Variants in TUSC3 observed in about 807,000 individuals in gnomAD.
The protein encoded by TUSC3 is tumor suppressor candidate 3, also known as dolichyl-diphosphooligosaccharide--protein glycosyltransferase subunit TUSC3.
A neutral mutation model predicts 44.8 loss-of-function variants in TUSC3; 45 were observed. The observed-to-expected ratio is 1.00, with a 90% CI of 0.79 to 1.29. The LOEUF is 1.29. Among genes scored for constraint, TUSC3 ranks in the 50% most tolerant of loss-of-function variants. The pLI is 0.00. For missense variants in TUSC3, 519 were observed against 437.9 expected, an observed-to-expected ratio of 1.19 and a Z score of -1.65; for synonymous variants, 212 against 152.9, an observed-to-expected ratio of 1.39 and a Z score of -2.85.
intron 1 of TUSC3, among the ~76,000 whole-genome samples, chr8:15,618,093 C>T (rs986076327): frequency 6.6e-6 from 1 of 152,158 alleles, no homozygotes. Context: ...GTCCACCTGT[C>T]TAGGACACTC....
chr8:15,611,937 C>G (rs759067471), intron 1 of TUSC3, among the ~76,000 whole-genome samples: 1 of 152,162 alleles, frequency 6.6e-6, no homozygotes, highest in Non-Finnish European at 1.5e-5. Context: ...TCTGGCTGCT[C>G]ATGTTTGGTT....
chr8:15,610,429 G>GT lies in TUSC3; in HGVS notation c.139-12648dup, dbSNP rs571936357. ...TCAATGTAGAATTTAATGTTGATGTGTTTCTGTGAATTCACTGCTTCCTTT... is the reference window on the plus strand; with the variant it reads ...TCAATGTAGAATTTAATGTTGATGTGTTTTCTGTGAATTCACTGCTTCCTTT... On this transcript the variant is annotated intron_variant, in intron 1 of 10. Transcript: ENST00000503731. 6.6e-5 allele frequency among the ~76,000 whole-genome samples: 10 copies of GT among 152,224 alleles called. No individual in the cohort carries two copies. The South Asian group carries it at 2.1e-3, about 32-fold the overall frequency.
At chr8:15,423,584 T>C (rs1481963126) in intron 1 of TUSC3, among the ~76,000 whole-genome samples, 1 of 152,218 alleles carries the variant, frequency 6.6e-6, no homozygotes, top group African/African-American at 2.4e-5. Flanking sequence ...ATTTAATTCT[T>C]ACTCGATTTT....
intron 2 of TUSC3, among the ~76,000 whole-genome samples, chr8:15,506,809 C>G (rs1032739489): frequency 2.0e-5 from 3 of 152,104 alleles, no homozygotes; most frequent in East Asian, 3.9e-4. Flanking sequence ...GTGGGTCAAA[C>G]CAAATCACAG....
At chr8:15,760,631 A>G (rs915916308) in intron 10 of TUSC3, among the ~76,000 whole-genome samples, 3 of 152,182 alleles carry the variant, frequency 2.0e-5, no homozygotes, top group African/African-American at 4.8e-5. Flanking sequence ...TGAAATTCAG[A>G]TATCAGTGCC....
chr8:15,830,047 T>A, the TUSC3 span, among the ~76,000 whole-genome samples: 1 of 152,188 alleles, frequency 6.6e-6, no homozygotes, highest in East Asian at 1.9e-4. Flanking sequence ...TTATGATTAG[T>A]GATGTGGAGC....
chr8:15,755,585 C>T (rs1028170183), intron 9 of TUSC3, among the ~76,000 whole-genome samples: 4 of 151,644 alleles, frequency 2.6e-5, no homozygotes, highest in African/African-American at 9.7e-5. Flanking sequence ...ATCTAATTAC[C>T]ATCTGAGCCA....
At position 15,765,206 on chromosome 8, in the gene TUSC3, G is replaced by A. The variant is rs1812293382; in HGVS notation, c.*1050G>A. On this transcript the variant is annotated 3_prime_UTR_variant, in exon 11 of 11. Transcript: ENST00000503731. The stretch of plus-strand genomic sequence containing the variant: ...TAGTCAGGAAATGTAAATTTTATCT[G>A]ACTCATAGAACTAATGGAAGCTGAA... 6.6e-6 allele frequency: 1 copy of A among 151,930 alleles called. No individual in the cohort carries two copies. The highest frequency in any genetic ancestry group is 2.1e-4 in the South Asian group (1 of 4,830). The allele number at this position is 151,930 out of a possible 1,614,324, so 9.4% of individuals were successfully genotyped here.
chr8:15,680,694 G>A (rs1221533705), intron 6 of TUSC3, among the ~76,000 whole-genome samples: 1 of 152,040 alleles, frequency 6.6e-6, no homozygotes, highest in Non-Finnish European at 1.5e-5. Flanking sequence ...TCCAGCTTTT[G>A]CCTCCTGTTG....
upstream of TUSC3, among the ~76,000 whole-genome samples, chr8:15,539,370 T>TTTTTTTA (rs869111495): frequency 1.5e-5 from 2 of 135,092 alleles, no homozygotes. Context: ...TTTTTTTTTT[T>TTTTTTTA]GAGACAGAGT....
chr8:15,798,230 C>G, the TUSC3 span, among the ~76,000 whole-genome samples: 1 of 151,804 alleles, frequency 6.6e-6, no homozygotes, highest in East Asian at 1.9e-4. Flanking sequence ...ATTGAATAGA[C>G]CCTTAAGGTC....
At chr8:15,542,574 A>C (rs1801728963) in intron 1 of TUSC3, among the ~76,000 whole-genome samples, 1 of 152,122 alleles carries the variant, frequency 6.6e-6, no homozygotes, top group Non-Finnish European at 1.5e-5. Flanking sequence ...CAAGGGGAAA[A>C]AAAAAATCTA....
In TUSC3 at chr8:15,658,641, C is replaced by T. The variant is rs907282740; in HGVS notation, c.427-866C>T. On this transcript the variant is annotated intron_variant, in intron 3 of 10. Coordinates refer to ENST00000503731, the MANE Select transcript of TUSC3 (RefSeq NM_006765.4). Reference sequence around the variant, plus strand: ...TCGTGTATATATACACATATATATACACACACACACACACACACAAATACA... The same window carrying T: ...TCGTGTATATATACACATATATATATACACACACACACACACACAAATACA... 2.0e-4 allele frequency among the ~76,000 whole-genome samples: 29 copies of T among 145,216 alleles called. 1 individual carries two copies. Among genetic ancestry groups the T allele is most frequent in the East Asian group, 8.2e-4 (4 of 4,902 alleles).
At chr8:15,813,389 C>CAAAAAAA in the TUSC3 span, among the ~76,000 whole-genome samples, 2 of 145,130 alleles carry the variant, frequency 1.4e-5, no homozygotes, top group African/African-American at 2.5e-5. Context: ...AACAAACAAA[C>CAAAAAAA]AAAAAAAAAA....
intron 6 of TUSC3, among the ~76,000 whole-genome samples, chr8:15,697,538 T>C (rs1809223119): frequency 1.3e-5 from 2 of 152,192 alleles, no homozygotes; most frequent in Non-Finnish European, 2.9e-5. Flanking sequence ...GCTACAACTT[T>C]CTCAAATGCA....
rs552505252 is a variant in TUSC3, at chr8:15,694,409, G to A, written c.798+20573G>A. On this transcript the variant is annotated intron_variant, in intron 6 of 10. Transcript: ENST00000503731. The stretch of plus-strand genomic sequence containing the variant: ...CGAGATCACGCCATTGCACTCCAGC[G>A]TGAGCAACAAGACGGAAACTCCATC... Among the ~76,000 whole-genome samples the A allele has an allele frequency of 6.6e-5, 9 of 137,324 alleles. No homozygotes were observed. In the South Asian group the frequency reaches 7.0e-4, roughly 11 times the overall value. 90.1% of individuals were successfully genotyped at this position (137,324 alleles called of 152,430 possible). A position where few individuals can be genotyped will look rare whatever the true frequency, so the allele number is the denominator to read the frequency against.
At chr8:15,678,515 A>G (rs760033168) in intron 6 of TUSC3, among the ~76,000 whole-genome samples, 10 of 152,208 alleles carry the variant, frequency 6.6e-5, no homozygotes, top group Non-Finnish European at 1.3e-4. Flanking sequence ...CATCAATTAA[A>G]TATAGTTTTA....
chr8:15,566,319 T>A (rs2129141736), intron 1 of TUSC3, among the ~76,000 whole-genome samples: 1 of 152,290 alleles, frequency 6.6e-6, no homozygotes, highest in Non-Finnish European at 1.5e-5. Flanking sequence ...GCTTTATTAA[T>A]TTTTTCCTGG....
At position 15,550,224 on chromosome 8, in the gene TUSC3, T is replaced by C. The variant is rs553513946; in HGVS notation, c.138+9656T>C. 2.0e-5 allele frequency among the ~76,000 whole-genome samples: 3 copies of C among 151,788 alleles called. No individual in the cohort carries two copies. The East Asian group carries it at 5.9e-4, about 30-fold the overall frequency. ...CTGTCTGTGGATTTCATTTCTGCCT[T>C]TTAGTTTTTATTTCTGTTTTCTTTG... On this transcript the variant is annotated intron_variant, in intron 1 of 10. Transcript: ENST00000503731.
Sources: allele counts gnomAD v4.1 joint callset (sites outside exome capture counted in the v4.1 genomes callset), GRCh38; gene constraint gnomAD v4.1.1; transcripts MANE v1.5; gene names NCBI Gene and HGNC (gene_info 2026-07-23, HGNC 2026-07-21).